Variants in DNAAF4 observed in about 807,000 individuals in gnomAD.
DNAAF4 encodes the protein dynein axonemal assembly factor 4, also known as dynein assembly factor 4, axonemal.
Under a neutral mutation model 51.8 loss-of-function variants are expected in DNAAF4, and 43 were observed. The observed-to-expected ratio is 0.83, with a 90% confidence interval of 0.65 to 1.07. The LOEUF (loss-of-function observed/expected upper bound fraction) is 1.07. Ranked by LOEUF, DNAAF4 falls within the 50% of genes least tolerant of loss-of-function variation. The pLI is 0.00. For missense variants in DNAAF4, 581 were observed against 493.0 expected, an observed-to-expected ratio of 1.18 and a Z score of -1.69; for synonymous variants, 194 against 165.6, an observed-to-expected ratio of 1.17 and a Z score of -1.32.
intron 4 of DNAAF4, among the ~76,000 whole-genome samples, chr15:55,487,552 G>A (rs2058509414): frequency 6.6e-6 from 1 of 152,056 alleles, no homozygotes; most frequent in African/African-American, 2.4e-5. Context: ...AATAAATCTT[G>A]CTGCTGCTCA....
chr15:55,492,668 T>C (rs2058590983), intron 3 of DNAAF4, among the ~76,000 whole-genome samples: 2 of 152,014 alleles, frequency 1.3e-5, no homozygotes, highest in African/African-American at 4.8e-5. Context: ...GCCTCCCAAG[T>C]AGCCGGGACT....
intron 4 of DNAAF4, among the ~76,000 whole-genome samples, chr15:55,476,019 A>G (rs2058330230): frequency 6.6e-6 from 1 of 152,246 alleles, no homozygotes. Flanking sequence ...TGACATGTTC[A>G]AAGTACCGAC....
intron 5 of DNAAF4, among the ~76,000 whole-genome samples, chr15:55,455,068 A>G (rs921715448): frequency 1.3e-5 from 2 of 149,786 alleles, no homozygotes; most frequent in Non-Finnish European, 3.0e-5. Flanking sequence ...CAAACTACCA[A>G]AATTGACTTT....
chr15:55,438,119 C>T (rs2057645889), intron 7 of DNAAF4, among the ~76,000 whole-genome samples: 1 of 152,092 alleles, frequency 6.6e-6, no homozygotes, highest in African/African-American at 2.4e-5. Flanking sequence ...ACCCGTAATC[C>T]CAGCACTTTG....
At position 55,435,945 on chromosome 15, in the gene DNAAF4, C is replaced by T. The variant is rs949929132; in HGVS notation, c.894-887G>A. ...CTGGGATTACAGGCATGTACCACCACGCCTGGCTAATTTTGTATTTTTACT... is the reference window on the plus strand; with the variant it reads ...CTGGGATTACAGGCATGTACCACCATGCCTGGCTAATTTTGTATTTTTACT... On this transcript the variant is annotated intron_variant, in intron 7 of 9. Transcript: ENST00000321149. Among the ~76,000 whole-genome samples the T allele has an allele frequency of 1.2e-4, 18 of 152,246 alleles. No individual in the cohort carries two copies. The East Asian group carries it at 2.5e-3, about 21-fold the overall frequency.
At chr15:55,442,485 T>C in intron 6 of DNAAF4, 1 of 701,540 alleles carries the variant, frequency 1.4e-6, no homozygotes, top group Non-Finnish European at 2.6e-6. Context: ...GGAAACTGAA[T>C]CCTCCTTGTA....
At chr15:55,494,925 C>A (rs1174736895) in intron 3 of DNAAF4, among the ~76,000 whole-genome samples, 9 of 152,108 alleles carry the variant, frequency 5.9e-5, no homozygotes, top group African/African-American at 2.2e-4. Flanking sequence ...ATATGAATCA[C>A]CTGTGGCTAC....
chr15:55,433,940 TA>T (rs373260343), intron 8 of DNAAF4, among the ~76,000 whole-genome samples: 7 of 1,832 alleles, frequency 3.8e-3, no homozygotes, highest in African/African-American at 0.014. Context: ...ATATAAAATA[TA>T]TATAATATAT....
At chr15:55,455,516 C>A (rs181296273) in intron 5 of DNAAF4, among the ~76,000 whole-genome samples, 1 of 151,884 alleles carries the variant, frequency 6.6e-6, no homozygotes, top group Non-Finnish European at 1.5e-5. Flanking sequence ...ACTGCAGCCT[C>A]TTCCTCCTGG....
intron 7 of DNAAF4, 48 bp downstream of exon 7, chr15:55,439,424 A>G (rs1233733932): frequency 6.7e-7 from 1 of 1,489,242 alleles, no homozygotes; most frequent in Non-Finnish European, 9.3e-7. Context: ...ATAACTGCTA[A>G]TGTCTTCATA....
At position 55,460,181 on chromosome 15, in the gene DNAAF4, TTA is replaced by T. The variant is rs1567016890; in HGVS notation, c.637+6747_637+6748del. On this transcript the variant is annotated intron_variant, in intron 5 of 9. Coordinates refer to ENST00000321149, the MANE Select transcript of DNAAF4 (RefSeq NM_130810.4). ...TTTATTTATTTATTTATTTACTTATTTATTTATTTTTTTTTTTGAGACAGAGT... is the reference window on the plus strand; with the variant it reads ...TTTATTTATTTATTTATTTACTTATTTTTATTTTTTTTTTTGAGACAGAGT... Among the ~76,000 whole-genome samples, 6 of 125,440 alleles carry T rather than the reference TTA, an allele frequency of 4.8e-5. 1 individual carries two copies. The highest frequency in any genetic ancestry group is 5.5e-4 in the South Asian group (2 of 3,660). 82.3% of individuals were successfully genotyped at this position (125,440 alleles called of 152,430 possible).
At chr15:55,473,323 G>A (rs571413855) in intron 4 of DNAAF4, among the ~76,000 whole-genome samples, 12 of 139,936 alleles carry the variant, frequency 8.6e-5, no homozygotes, top group African/African-American at 2.4e-4. Flanking sequence ...ATATATGTGT[G>A]TATATATATG....
intron 6 of DNAAF4, among the ~76,000 whole-genome samples, chr15:55,448,527 T>A (rs1595906547): frequency 1.6e-5 from 1 of 60,734 alleles, no homozygotes; most frequent in Non-Finnish European, 3.2e-5. Flanking sequence ...AGGGTGTGTG[T>A]GTGTGTGTGT....
intron 1 of DNAAF4, among the ~76,000 whole-genome samples, chr15:55,501,819 G>A (rs905609949): frequency 2.0e-5 from 3 of 151,936 alleles, no homozygotes; most frequent in African/African-American, 7.2e-5. Flanking sequence ...GAGGCAGGTG[G>A]ATCACTTGAG....
At chr15:55,456,521 T>C in intron 5 of DNAAF4, among the ~76,000 whole-genome samples, 1 of 152,180 alleles carries the variant, frequency 6.6e-6, no homozygotes, top group East Asian at 1.9e-4. Flanking sequence ...AGCTGCCACC[T>C]GGATGGACAG....
intron 5 of DNAAF4, among the ~76,000 whole-genome samples, chr15:55,459,275 G>A (rs573761959): frequency 4.6e-5 from 7 of 152,166 alleles, no homozygotes; most frequent in South Asian, 2.1e-4. Flanking sequence ...AACCAGAGGC[G>A]AGATAAAGTC....
At position 55,447,943 on chromosome 15, in the gene DNAAF4, C is replaced by T. The variant is rs748864522; in HGVS notation, c.783+2279G>A. Among the ~76,000 whole-genome samples the T allele has an allele frequency of 2.6e-5, 4 of 151,942 alleles. No individual in the cohort carries two copies. The East Asian group carries it at 7.8e-4, about 30-fold the overall frequency. ...CCTGGCCAGAACTTCCAACACTATG[C>T]TGTGTTGAATAGGAGTGGTGAGAGA... is the stretch of plus-strand genomic sequence containing the variant. On this transcript the variant is annotated intron_variant, in intron 6 of 9. Coordinates refer to ENST00000321149, the MANE Select transcript of DNAAF4 (RefSeq NM_130810.4).
intron 1 of DNAAF4, among the ~76,000 whole-genome samples, chr15:55,503,892 C>A (rs1251892556): frequency 6.6e-6 from 1 of 152,124 alleles, no homozygotes; most frequent in Non-Finnish European, 1.5e-5. Context: ...TCTCACCACT[C>A]CAATTCAATA....
At chr15:55,433,859 A>C (rs1193895677) in intron 8 of DNAAF4, among the ~76,000 whole-genome samples, 1 of 29,382 alleles carries the variant, frequency 3.4e-5, no homozygotes, top group Non-Finnish European at 7.3e-5. Flanking sequence ...ATATATTATA[A>C]TATATATTAT....
Sources: allele counts gnomAD v4.1 joint callset (sites outside exome capture counted in the v4.1 genomes callset), GRCh38; gene constraint gnomAD v4.1.1; transcripts MANE v1.5; gene names NCBI Gene and HGNC (gene_info 2026-07-23, HGNC 2026-07-21).